Variants in TTC39B observed in about 807,000 individuals in gnomAD.
TTC39B encodes the protein tetratricopeptide repeat domain 39B.
Under a neutral mutation model 96.6 loss-of-function variants are expected in TTC39B, and 92 were observed. That is an observed-to-expected ratio of 0.95 (90% CI 0.80 to 1.13). TTC39B has a LOEUF of 1.13. TTC39B is among the 50% of genes most tolerant of loss of function. TTC39B has a pLI of 0.00. For missense variants in TTC39B, 955 were observed against 809.3 expected (o/e 1.18, Z -2.18); for synonymous variants, 367 against 299.4 (o/e 1.23, Z -2.33).
chr9:15,301,716 A>G (rs1228180640), intron 1 of TTC39B, among the ~76,000 whole-genome samples: 2 of 151,894 alleles, frequency 1.3e-5, no homozygotes, highest in African/African-American at 4.8e-5. Flanking sequence ...AGATCGTGCC[A>G]CTGCACTCCA....
At chr9:15,229,163 T>C (rs1821290559) in intron 2 of TTC39B, among the ~76,000 whole-genome samples, 1 of 152,190 alleles carries the variant, frequency 6.6e-6, no homozygotes, top group Non-Finnish European at 1.5e-5. Flanking sequence ...GTAGAGAAAA[T>C]ACTATTGCAA....
chr9:15,193,667 T>C (rs1193851960), intron 8 of TTC39B, among the ~76,000 whole-genome samples: 1 of 152,232 alleles, frequency 6.6e-6, no homozygotes, highest in Non-Finnish European at 1.5e-5. Flanking sequence ...GATGAATGTT[T>C]ATTTGGTCAG....
chr9:15,200,973 T>TG (rs1229769359), intron 7 of TTC39B, among the ~76,000 whole-genome samples: 1 of 152,086 alleles, frequency 6.6e-6, no homozygotes. Flanking sequence ...CACTCCAGCC[T>TG]GGTGACAGAG....
At chr9:15,193,418 G>C (rs1818972040) in intron 8 of TTC39B, among the ~76,000 whole-genome samples, 1 of 152,148 alleles carries the variant, frequency 6.6e-6, no homozygotes, top group Non-Finnish European at 1.5e-5. Context: ...TAATAATAAG[G>C]AATAATGAGA....
At chr9:15,282,110 A>G (rs1203209061) in intron 1 of TTC39B, among the ~76,000 whole-genome samples, 1 of 152,212 alleles carries the variant, frequency 6.6e-6, no homozygotes, top group African/African-American at 2.4e-5. Flanking sequence ...AACCAATACT[A>G]TCATAAGTAA....
At chr9:15,212,257 C>T (rs2131352931) in intron 4 of TTC39B, among the ~76,000 whole-genome samples, 1 of 152,164 alleles carries the variant, frequency 6.6e-6, no homozygotes, top group East Asian at 1.9e-4. Flanking sequence ...TAATTTGCAG[C>T]TTGTCCTGAA....
intron 2 of TTC39B, among the ~76,000 whole-genome samples, chr9:15,239,794 A>G (rs1821957481): frequency 6.6e-6 from 1 of 152,198 alleles, no homozygotes; most frequent in East Asian, 1.9e-4. Context: ...TTGAAAAATT[A>G]CCTTTTAGAT....
At position 15,184,192 on chromosome 9, in the gene TTC39B, A is replaced by G. The variant is rs571123948; in HGVS notation, c.1614+1088T>C. On this transcript the variant is annotated intron_variant, in intron 16 of 19. Coordinates refer to ENST00000512701, the Ensembl canonical transcript of TTC39B. ...CAAATTAAAATGGTAAAATACTATC[A>G]GTACTTATTTAAATTGGTAGAGCTT... is the stretch of plus-strand genomic sequence containing the variant. Among the ~76,000 whole-genome samples, 10 of 152,348 alleles carry G rather than the reference A, an allele frequency of 6.6e-5. No homozygotes were observed. In the East Asian group the frequency reaches 1.9e-3, roughly 29 times the overall value.
chr9:15,225,738 T>G (rs554805341), intron 3 of TTC39B, among the ~76,000 whole-genome samples, 179 bp downstream of exon 3: 2 of 152,376 alleles, frequency 1.3e-5, no homozygotes, highest in African/African-American at 4.8e-5. Context: ...ACTGAGTCCC[T>G]GAGCAGCCAC....
chr9:15,201,779 G>C (rs1326971214), intron 7 of TTC39B, among the ~76,000 whole-genome samples: 1 of 152,234 alleles, frequency 6.6e-6, no homozygotes, highest in East Asian at 1.9e-4. Context: ...AGGGAACATA[G>C]AGAGGAGGTA....
chr9:15,179,393 T>C lies in TTC39B; in HGVS notation c.1724-1579A>G, dbSNP rs73646010. ...CTGGCAGTTAAGATGGTAAACCACT[T>C]GACTATGGAGATTAACAATGCTACT... On this transcript the variant is annotated intron_variant, in intron 17 of 19. Transcript: ENST00000512701. 3.6e-3 allele frequency among the ~76,000 whole-genome samples: 546 copies of C among 152,222 alleles called. 1 individual carries two copies. The highest frequency in any genetic ancestry group is 0.02 in the Middle Eastern group (6 of 294).
At chr9:15,240,464 C>T (rs777000930) in intron 2 of TTC39B, among the ~76,000 whole-genome samples, 2 of 151,994 alleles carry the variant, frequency 1.3e-5, no homozygotes, top group Non-Finnish European at 2.9e-5. Context: ...ATTTGTAGGG[C>T]GTGGGTAATC....
At chr9:15,256,179 T>C (rs1014933215) in intron 2 of TTC39B, among the ~76,000 whole-genome samples, 1 of 151,918 alleles carries the variant, frequency 6.6e-6, no homozygotes, top group Non-Finnish European at 1.5e-5. Context: ...CCTTTTTCCT[T>C]CTTCTTTTTT....
At chr9:15,221,900 T>C (rs1475466523) in intron 3 of TTC39B, among the ~76,000 whole-genome samples, 1 of 152,244 alleles carries the variant, frequency 6.6e-6, no homozygotes, top group African/African-American at 2.4e-5. Flanking sequence ...GTAACACTTT[T>C]ACATTGCCCA....
chr9:15,168,226 AC>A (rs1588824313), exon 20 of TTC39B: 1 of 152,220 alleles, frequency 6.6e-6, no homozygotes, highest in East Asian at 1.9e-4. Context: ...GGGCTACTGT[AC>A]TGGACAGAGC....
At chr9:15,241,756 T>C (rs182352711) in intron 2 of TTC39B, among the ~76,000 whole-genome samples, 158 of 151,072 alleles carry the variant, frequency 1.0e-3, no homozygotes, top group Non-Finnish European at 1.8e-3. Context: ...TTTTTTTTTT[T>C]TTTTGAGACA....
exon 20 of TTC39B, chr9:15,169,776 CA>C (rs1293357306): frequency 6.6e-6 from 1 of 151,988 alleles, no homozygotes; most frequent in East Asian, 1.9e-4. Context: ...ATATAAATAA[CA>C]AAAAAGATTT....
chr9:15,179,212 T>C (rs1410838611), intron 17 of TTC39B, among the ~76,000 whole-genome samples: 1 of 152,164 alleles, frequency 6.6e-6, no homozygotes, highest in Non-Finnish European at 1.5e-5. Context: ...TACAGGCAAG[T>C]ACAACGTTAT....
intron 4 of TTC39B, among the ~76,000 whole-genome samples, chr9:15,211,782 T>C (rs768959021): frequency 3.2e-4 from 49 of 152,242 alleles, no homozygotes; most frequent in Non-Finnish European, 5.9e-4. Flanking sequence ...GAGATTCTGA[T>C]ATATTTTTTC....
Sources: allele counts gnomAD v4.1 joint callset (sites outside exome capture counted in the v4.1 genomes callset), GRCh38; gene constraint gnomAD v4.1.1; transcripts MANE v1.5; gene names NCBI Gene and HGNC (gene_info 2026-07-23, HGNC 2026-07-21).